Variants in ESR1 observed in about 807,000 individuals in gnomAD.
ESR1 encodes the protein estrogen receptor.
Under a neutral mutation model 52.7 loss-of-function variants are expected in ESR1, and 12 were observed. The ratio of observed to expected loss-of-function variants is 0.23; its 90% CI spans 0.15 to 0.37. The LOEUF is 0.37. Ranked by LOEUF, ESR1 falls within the 10% of genes least tolerant of loss-of-function variation. The pLI is 1.00. For synonymous variants in ESR1, 305 were observed against 316.8 expected (o/e 0.96, Z 0.39); for missense variants, 584 against 779.7 (o/e 0.75, Z 2.99).
At chr6:151,937,389 T>G (rs1267428523) in intron 3 of ESR1, among the ~76,000 whole-genome samples, 2 of 152,084 alleles carry the variant, frequency 1.3e-5, no homozygotes, top group Non-Finnish European at 2.9e-5. Context: ...AGGCAGTCAT[T>G]GAGTGATTGG....
At chr6:151,899,688 T>G (rs1194454894) in intron 3 of ESR1, among the ~76,000 whole-genome samples, 8 of 140,800 alleles carry the variant, frequency 5.7e-5, no homozygotes, top group Admixed American at 5.7e-4. Flanking sequence ...GACAGGGCGG[T>G]TGCCAGGCAG....
At chr6:152,083,382 T>C (rs562745898) in intron 6 of ESR1, among the ~76,000 whole-genome samples, 1 of 152,310 alleles carries the variant, frequency 6.6e-6, no homozygotes, top group South Asian at 2.1e-4. Flanking sequence ...CCCTATTTAA[T>C]AAATGGTGCT....
chr6:151,758,722 A>C (rs944024257), intron 2 of ESR1, among the ~76,000 whole-genome samples: 2 of 150,378 alleles, frequency 1.3e-5, no homozygotes, highest in East Asian at 2.0e-4. Context: ...ATGCCACTGC[A>C]CTCCAGCCTG....
At chr6:151,871,133 C>T (rs1033696267) in intron 2 of ESR1, among the ~76,000 whole-genome samples, 2 of 151,722 alleles carry the variant, frequency 1.3e-5, no homozygotes, top group Non-Finnish European at 2.9e-5. Context: ...AAACAGGCCT[C>T]CACACCCAGC....
chr6:151,808,991 T>A (rs957047005), intron 1 of ESR1: 1 of 263,700 alleles, frequency 3.8e-6, no homozygotes, highest in African/African-American at 2.3e-5. Context: ...ATGGGTCTGA[T>A]TTCGGAGTTA....
At chr6:151,665,703 A>C (rs1777798893) in intron 1 of ESR1, among the ~76,000 whole-genome samples, 1 of 152,162 alleles carries the variant, frequency 6.6e-6, no homozygotes, top group South Asian at 2.1e-4. Flanking sequence ...AATGATTTCT[A>C]AATCACCTCA....
intron 2 of ESR1, among the ~76,000 whole-genome samples, chr6:151,753,804 CA>C (rs1174285634): frequency 2.6e-5 from 4 of 152,190 alleles, no homozygotes; most frequent in Non-Finnish European, 5.9e-5. Context: ...AATGGAAACA[CA>C]TGGTTAAGTT....
chr6:152,121,364 T>TG (rs1444552433), intron 6 of ESR1, among the ~76,000 whole-genome samples: 1 of 152,160 alleles, frequency 6.6e-6, no homozygotes, highest in African/African-American at 2.4e-5. Flanking sequence ...CGCAATGGAA[T>TG]GGAGAAGGGA....
intron 5 of ESR1, among the ~76,000 whole-genome samples, chr6:152,033,290 T>C (rs2044915881): frequency 6.6e-6 from 1 of 151,954 alleles, no homozygotes; most frequent in South Asian, 2.1e-4. Flanking sequence ...AATTGACAAA[T>C]GGGATCTAAT....
chr6:151,813,321 G>T (rs1779112994), intron 1 of ESR1: 1 of 152,156 alleles, frequency 6.6e-6, no homozygotes, highest in African/African-American at 2.4e-5. Flanking sequence ...GGGCAAATAA[G>T]AAAGAGTATG....
intron 2 of ESR1, among the ~76,000 whole-genome samples, chr6:151,702,208 A>G (rs1454847235): frequency 2.6e-5 from 4 of 152,178 alleles, no homozygotes; most frequent in African/African-American, 9.7e-5. Context: ...TTAAGGATAC[A>G]ATCTGTGCAC....
chr6:151,772,775 G>A (rs1454572786), intron 2 of ESR1, among the ~76,000 whole-genome samples: 3 of 152,138 alleles, frequency 2.0e-5, no homozygotes, highest in African/African-American at 7.2e-5. Flanking sequence ...AATGCTAAAG[G>A]ACTGCTCCAC....
intron 2 of ESR1, among the ~76,000 whole-genome samples, chr6:151,870,603 G>A (rs1405908714): frequency 6.6e-6 from 1 of 152,052 alleles, no homozygotes; most frequent in Non-Finnish European, 1.5e-5. Flanking sequence ...TCAACTTCTT[G>A]GAGTCTCATT....
chr6:152,104,236 A>G (rs1232245828), downstream of ESR1, among the ~76,000 whole-genome samples: 1 of 152,156 alleles, frequency 6.6e-6, no homozygotes, highest in Non-Finnish European at 1.5e-5. Flanking sequence ...TTTGAGTCAC[A>G]TGGATTTCAG....
At chr6:151,685,428 C>A (rs549563990) in intron 1 of ESR1, among the ~76,000 whole-genome samples, 1 of 152,200 alleles carries the variant, frequency 6.6e-6, no homozygotes, top group Non-Finnish European at 1.5e-5. Flanking sequence ...CCACCGCGCC[C>A]GGCCACTGGC....
rs9340946 is a variant in ESR1, at chr6:151,992,772, G to A, written c.1097-18884G>A. On this transcript the variant is annotated intron_variant, in intron 4 of 7. Transcript: ENST00000206249. ...AAAAGAATGATTTTTTTTGTGACTC[G>A]TGTAGAGCACTGTCTTAGTTACCTA... Among the ~76,000 whole-genome samples, 35 of 152,190 alleles carry A rather than the reference G, an allele frequency of 2.3e-4. No homozygotes were observed. The East Asian group carries it at 5.0e-3, about 22-fold the overall frequency.
chr6:152,024,514 G>A (rs2043957036), intron 5 of ESR1, among the ~76,000 whole-genome samples: 1 of 151,482 alleles, frequency 6.6e-6, no homozygotes, highest in Non-Finnish European at 1.5e-5. Context: ...AGACCAAGGG[G>A]TGCCTTTTCA....
chr6:151,803,736 AAG>A (rs940381707), upstream of ESR1, among the ~76,000 whole-genome samples: 35 of 152,240 alleles, frequency 2.3e-4, no homozygotes, highest in African/African-American at 7.2e-4. Context: ...GCAATGGAAA[AAG>A]AGAGATTGTA....
At chr6:151,962,072 G>A (rs926260492) in intron 4 of ESR1, among the ~76,000 whole-genome samples, 1 of 152,112 alleles carries the variant, frequency 6.6e-6, no homozygotes, top group Admixed American at 6.5e-5. Flanking sequence ...AGTGGCTAGG[G>A]GACAGTGAAA....
Sources: gnomAD v4.1 joint callset for allele counts (sites outside exome capture counted in the v4.1 genomes callset) on GRCh38, gnomAD v4.1.1 for gene constraint, MANE v1.5 for transcripts, NCBI Gene and HGNC (gene_info 2026-07-23, HGNC 2026-07-21) for gene names.